The following SEC62 variants were observed in gnomAD, a reference collection of about 807,000 sequenced individuals.
The protein encoded by SEC62 is SEC62 preprotein translocation factor.
In SEC62, 10 loss-of-function variants were observed where a neutral mutation model predicts 47.5. That is an observed-to-expected ratio of 0.21 (90% CI 0.13 to 0.36). SEC62 has a LOEUF of 0.36. SEC62 is among the 10% of genes least tolerant of loss of function. The probability of loss-of-function intolerance (pLI) is 1.00; values close to 1 mark genes in which losing one functional copy is unlikely to be tolerated. For synonymous variants in SEC62, 136 were observed against 150.5 expected (o/e 0.90, Z 0.71); for missense variants, 327 against 464.1 (o/e 0.70, Z 2.71).
rs1005528783 is a variant in SEC62 at position 169,996,921 on chromosome 3, C to G, written c.*3858C>G. 6.6e-6 allele frequency: 1 copy of G among 152,190 alleles called. No homozygotes were observed. Among genetic ancestry groups the G allele is most frequent in the African/African-American group, 2.4e-5 (1 of 41,440 alleles). 9.4% of individuals were successfully genotyped at this position (152,190 alleles called of 1,614,324 possible). ...TTCTTATTGGAATCAAGACCAATAC[C>G]AAGGAGAAATTCCTAGGGAACAAAA... On this transcript the variant is annotated 3_prime_UTR_variant, in exon 8 of 8. Transcript: ENST00000337002.
At chr3:169,973,115 C>T (rs1023438294) in intron 1 of SEC62, among the ~76,000 whole-genome samples, 2 of 152,156 alleles carry the variant, frequency 1.3e-5, no homozygotes, top group African/African-American at 2.4e-5. Flanking sequence ...GATATATAGA[C>T]TATTATTTAC....
chr3:169,985,826 C>A lies in SEC62; in HGVS notation c.571C>A (p.Pro191Thr). 6.2e-7 allele frequency: 1 copy of A among 1,612,132 alleles called. No individual in the cohort carries two copies. The highest frequency in any genetic ancestry group is 8.5e-7 in the Non-Finnish European group (1 of 1,179,086). ...GNEVYVWIYDPVHFKTFVMGL... is the reference protein window; with the variant it reads ...GNEVYVWIYDTVHFKTFVMGL... Reference sequence around the variant, plus strand: ...CTAGGTGTATGTATGGATCTATGACCCAGTTCACTTTAAAACATTTGTCAT... The same window carrying A: ...CTAGGTGTATGTATGGATCTATGACACAGTTCACTTTAAAACATTTGTCAT... Residue 191 changes from proline to threonine, a missense_variant, in exon 6 of 8, where the codon CCA becomes ACA. Pro to Thr is a conservative substitution (Grantham distance 38). Transcript: ENST00000337002.
rs932766473 is a variant in SEC62 at position 169,994,812 on chromosome 3, G to A, written c.*1749G>A. The A allele has an allele frequency of 4.6e-5, 7 of 152,178 alleles. No homozygotes were observed. The South Asian group carries it at 1.5e-3, about 32-fold the overall frequency. 9.4% of individuals were successfully genotyped at this position (152,178 alleles called of 1,614,324 possible). On this transcript the variant is annotated 3_prime_UTR_variant, in exon 8 of 8. Transcript: ENST00000337002. Reference sequence around the variant, plus strand: ...TTTACTATTACTGTGATAATACCCAGGCACTCAATATTCATCCTGAAATTT... The same window carrying A: ...TTTACTATTACTGTGATAATACCCAAGCACTCAATATTCATCCTGAAATTT...
At chr3:169,975,816 T>C (rs917437512) in intron 2 of SEC62, 100 bp downstream of exon 2, 5 of 717,048 alleles carry the variant, frequency 7.0e-6, no homozygotes, top group South Asian at 1.7e-5. Flanking sequence ...CCAAATGTGA[T>C]TGTTCTGGTG....
chr3:169,975,209 A>T (rs2108281350), intron 1 of SEC62, among the ~76,000 whole-genome samples: 1 of 147,930 alleles, frequency 6.8e-6, no homozygotes, highest in South Asian at 2.3e-4. Flanking sequence ...TGAACTCAGG[A>T]GGCAGAGGTT....
intron 1 of SEC62, chr3:169,969,267 G>A (rs1477333982): frequency 1.1e-5 from 5 of 453,840 alleles, no homozygotes. Context: ...TAGCTAATTT[G>A]CTTTTTCTTT....
At position 169,992,453 on chromosome 3, in the gene SEC62, C is replaced by T. The variant is rs750127447; in HGVS notation, c.731-141C>T. On this transcript the variant is annotated intron_variant, in intron 7 of 7. Coordinates refer to ENST00000337002, the MANE Select transcript of SEC62 (RefSeq NM_003262.4). The surrounding 1 kb of genome is among the most constrained non-coding windows in gnomAD (Gnocchi z 4.0). ...AGAGGTTTAGCCACCACGCCCAGCA[C>T]TAATCAGGATTTAAATATTAATATT... 4 of 652,344 alleles carry T rather than the reference C, an allele frequency of 6.1e-6. No individual in the cohort carries two copies. The highest frequency in any genetic ancestry group is 1.0e-5 in the Non-Finnish European group (4 of 387,142). The allele number at this position is 652,344 out of a possible 1,614,324, so 40.4% of individuals were successfully genotyped here. A position where few individuals can be genotyped will look rare whatever the true frequency, so the allele number is the denominator to read the frequency against.
At chr3:169,977,707 C>CT (rs1355264827) in intron 3 of SEC62, among the ~76,000 whole-genome samples, 3 of 151,782 alleles carry the variant, frequency 2.0e-5, no homozygotes, top group Non-Finnish European at 2.9e-5. Flanking sequence ...CATTTCTTTT[C>CT]TTTTTTTTCT....
chr3:169,968,894 T>C (rs1714621780), intron 1 of SEC62, among the ~76,000 whole-genome samples: 1 of 152,214 alleles, frequency 6.6e-6, no homozygotes, highest in African/African-American at 2.4e-5. Flanking sequence ...TCTACATGGC[T>C]GTATAAAATG....
intron 1 of SEC62, among the ~76,000 whole-genome samples, chr3:169,974,736 G>A (rs927187428): frequency 5.9e-5 from 9 of 152,172 alleles, no homozygotes; most frequent in Non-Finnish European, 1.0e-4. Context: ...GGTATCTGCA[G>A]CCACAGGGGG....
At chr3:169,968,114 A>G (rs1714600510) in intron 1 of SEC62, among the ~76,000 whole-genome samples, 1 of 152,230 alleles carries the variant, frequency 6.6e-6, no homozygotes, top group African/African-American at 2.4e-5. Flanking sequence ...TAAGATCAGT[A>G]GAAGTTTCTA....
At chr3:169,977,477 T>C (rs541229060) in intron 3 of SEC62, among the ~76,000 whole-genome samples, 3 of 152,322 alleles carry the variant, frequency 2.0e-5, no homozygotes, top group South Asian at 2.1e-4. Context: ...TTTGGTTCAG[T>C]GTTTGCTAAT....
intron 1 of SEC62, among the ~76,000 whole-genome samples, chr3:169,972,971 C>A (rs536418911): frequency 1.6e-4 from 24 of 152,002 alleles, no homozygotes; most frequent in African/African-American, 5.1e-4. Context: ...TTAATTAGAT[C>A]GATTTTAAGT....
intron 3 of SEC62, among the ~76,000 whole-genome samples, chr3:169,977,578 T>C (rs1005572740): frequency 1.2e-4 from 18 of 152,186 alleles, no homozygotes; most frequent in African/African-American, 3.6e-4. Context: ...TTCAGTAATA[T>C]ACATATATTT....
intron 3 of SEC62, among the ~76,000 whole-genome samples, chr3:169,980,383 T>G (rs183002625): frequency 5.5e-4 from 84 of 152,258 alleles, no homozygotes; most frequent in African/African-American, 1.9e-3. Flanking sequence ...TAATGTGTTC[T>G]ATGTCATGGG....
rs1053420666 is a variant in SEC62 at position 169,996,814 on chromosome 3, C to G, written c.*3751C>G. On this transcript the variant is annotated 3_prime_UTR_variant, in exon 8 of 8. Coordinates refer to ENST00000337002, the MANE Select transcript of SEC62 (RefSeq NM_003262.4). The stretch of plus-strand genomic sequence containing the variant: ...TTCTGCTGCTACTAGCCTGGAGTTG[C>G]AGAAGCTACTGTGCTTCCTCTTTGG... 1.3e-5 allele frequency: 2 copies of G among 152,278 alleles called. No individual in the cohort carries two copies. Among genetic ancestry groups the G allele is most frequent in the Admixed American group, 6.5e-5 (1 of 15,286 alleles). The allele number at this position is 152,278 out of a possible 1,614,324, so 9.4% of individuals were successfully genotyped here. A position where few individuals can be genotyped will look rare whatever the true frequency, so the allele number is the denominator to read the frequency against.
At position 169,966,872 on chromosome 3, in the gene SEC62, G is replaced by C; in HGVS notation, c.36+14G>C. 6.4e-7 allele frequency: 1 copy of C among 1,554,648 alleles called. No individual in the cohort carries two copies. The highest frequency in any genetic ancestry group is 8.7e-7 in the Non-Finnish European group (1 of 1,148,796). On this transcript the variant is annotated intron_variant, in intron 1 of 7. Transcript: ENST00000337002. ...AAGCGGATCCAGGTAGCAAAGCCGA[G>C]CTCTGGGCAGGGGGCTTCGGCGCGC... is the stretch of plus-strand genomic sequence containing the variant.
intron 7 of SEC62, among the ~76,000 whole-genome samples, chr3:169,990,606 ATC>A (rs2108288699): frequency 6.6e-6 from 1 of 152,312 alleles, no homozygotes; most frequent in South Asian, 2.1e-4. Flanking sequence ...ATTATGAATC[ATC>A]TGTCTTACAA....
chr3:169,986,914 A>G (rs1715122997), intron 6 of SEC62, among the ~76,000 whole-genome samples: 1 of 151,948 alleles, frequency 6.6e-6, no homozygotes. Flanking sequence ...TTTTGTAGAG[A>G]TGGGGTTTCG....
Sources: allele counts gnomAD v4.1 joint callset (sites outside exome capture counted in the v4.1 genomes callset), GRCh38; gene constraint gnomAD v4.1.1; non-coding constraint Gnocchi (gnomAD v3.1); transcripts MANE v1.5; gene names NCBI Gene and HGNC (gene_info 2026-07-23, HGNC 2026-07-21).